Variants in SBF2 observed in about 807,000 individuals in gnomAD.
The protein encoded by SBF2 is SET binding factor 2.
SBF2 carries 112 observed loss-of-function variants against 225.2 expected under a neutral mutation model. That is an observed-to-expected ratio of 0.50 (90% CI 0.43 to 0.58). The LOEUF (loss-of-function observed/expected upper bound fraction) is 0.58. Among genes scored for constraint, SBF2 ranks in the 20% least tolerant of loss-of-function variants. SBF2 has a pLI of 0.00. For missense variants in SBF2, 1,996 were observed against 2,206.2 expected (o/e 0.90, Z 1.91); for synonymous variants, 763 against 773.3 (o/e 0.99, Z 0.22).
At chr11:9,900,549 C>A (rs948843786) in intron 16 of SBF2, among the ~76,000 whole-genome samples, 6 of 152,182 alleles carry the variant, frequency 3.9e-5, no homozygotes, top group African/African-American at 7.2e-5. Context: ...GCAGCAGGGG[C>A]CACGTGCGTC....
chr11:9,967,770 C>T (rs1342699076), intron 14 of SBF2, among the ~76,000 whole-genome samples: 1 of 152,034 alleles, frequency 6.6e-6, no homozygotes, highest in Non-Finnish European at 1.5e-5. Context: ...ACAAAATTAG[C>T]TGGGCGAGGT....
Position 9,969,528 on chromosome 11 carries a change from G to A in SBF2, c.1396-983C>T, listed in dbSNP as rs371873356. On this transcript the variant is annotated intron_variant, in intron 13 of 39. Coordinates refer to ENST00000256190, the MANE Select transcript of SBF2 (RefSeq NM_030962.4). The stretch of plus-strand genomic sequence containing the variant: ...GCCATGATTTCTTTCATTTTTTTCT[G>A]CTCTAGACACACAGAACTTCTTGTT... 1.3e-4 allele frequency among the ~76,000 whole-genome samples: 20 copies of A among 151,948 alleles called. No homozygotes were observed. The South Asian group carries it at 1.7e-3, about 13-fold the overall frequency.
chr11:9,902,647 G>C (rs1861809310), intron 16 of SBF2, among the ~76,000 whole-genome samples: 1 of 152,142 alleles, frequency 6.6e-6, no homozygotes, highest in Non-Finnish European at 1.5e-5. Context: ...TATGACACCA[G>C]ATAGAAAGTC....
At chr11:10,232,641 G>A (rs1958906643) in intron 1 of SBF2, among the ~76,000 whole-genome samples, 1 of 149,290 alleles carries the variant, frequency 6.7e-6, no homozygotes, top group Non-Finnish European at 1.5e-5. Context: ...ATAGCTCACT[G>A]CAGTCTTGAA....
chr11:9,902,739 G>C (rs1462944207), intron 16 of SBF2, among the ~76,000 whole-genome samples: 1 of 152,046 alleles, frequency 6.6e-6, no homozygotes, highest in Non-Finnish European at 1.5e-5. Flanking sequence ...ATAAAACAAT[G>C]ACAATACTGT....
At chr11:10,097,170 C>G (rs1040977035) in intron 2 of SBF2, among the ~76,000 whole-genome samples, 1 of 152,186 alleles carries the variant, frequency 6.6e-6, no homozygotes, top group Admixed American at 6.5e-5. Flanking sequence ...TTCACCCTGT[C>G]CGTCACTTTC....
chr11:9,928,070 T>C (rs943989753), intron 16 of SBF2, among the ~76,000 whole-genome samples: 2 of 152,146 alleles, frequency 1.3e-5, no homozygotes, highest in Non-Finnish European at 2.9e-5. Context: ...TTAGATATGA[T>C]ACCAAGTGCA....
At chr11:9,823,221 CTATTCACTTCT>C (rs1287111379) in intron 28 of SBF2, among the ~76,000 whole-genome samples, 4 of 152,222 alleles carry the variant, frequency 2.6e-5, no homozygotes, top group Middle Eastern at 3.4e-3. Context: ...ACAATGTGAT[CTATTCACTTCT>C]TGCTTTTAAA....
intron 16 of SBF2, among the ~76,000 whole-genome samples, chr11:9,948,482 A>G (rs1279126273): frequency 6.6e-6 from 1 of 152,172 alleles, no homozygotes; most frequent in East Asian, 1.9e-4. Context: ...TTCTTTAAGT[A>G]CTTCTGTACT....
intron 2 of SBF2, among the ~76,000 whole-genome samples, chr11:10,089,353 C>T (rs768709658): frequency 4.6e-5 from 7 of 152,216 alleles, no homozygotes; most frequent in Non-Finnish European, 5.9e-5. Context: ...CAGAGCATGA[C>T]TGTACTTCTT....
chr11:9,865,797 A>T (rs1362681308), intron 17 of SBF2, among the ~76,000 whole-genome samples: 3 of 151,460 alleles, frequency 2.0e-5, no homozygotes, highest in Non-Finnish European at 4.4e-5. Context: ...TGACAGAGCC[A>T]GAGATGGGAT....
At chr11:9,787,786 G>A (rs547587935) in intron 35 of SBF2, 48 bp from the exon 36 acceptor site, 19 of 1,519,076 alleles carry the variant, frequency 1.3e-5, no homozygotes, top group Admixed American at 1.2e-4. Flanking sequence ...TAGAAATCAG[G>A]ATGGGCCCCA....
At chr11:10,173,610 G>C (rs1345948998) in intron 2 of SBF2, among the ~76,000 whole-genome samples, 2 of 152,220 alleles carry the variant, frequency 1.3e-5, no homozygotes, top group African/African-American at 4.8e-5. Context: ...GCCCAGGCTT[G>C]CTTAGGTAAA....
chr11:9,883,047 T>C (rs1450417900), intron 17 of SBF2, among the ~76,000 whole-genome samples: 1 of 151,954 alleles, frequency 6.6e-6, no homozygotes, highest in African/African-American at 2.4e-5. Flanking sequence ...GGTGGGAGGA[T>C]TGCTTGAACT....
At chr11:10,191,480 C>T (rs1433154408) in intron 2 of SBF2, among the ~76,000 whole-genome samples, 3 of 151,954 alleles carry the variant, frequency 2.0e-5, no homozygotes, top group Non-Finnish European at 4.4e-5. Flanking sequence ...CTTGACAACA[C>T]CATAGACATT....
intron 16 of SBF2, among the ~76,000 whole-genome samples, chr11:9,920,930 C>T (rs1438113613): frequency 6.6e-6 from 1 of 152,146 alleles, no homozygotes. Context: ...TTTTCCCATT[C>T]ATTGCATACT....
chr11:10,291,676 ACAC>A (rs1194663451), intron 1 of SBF2, among the ~76,000 whole-genome samples: 2 of 123,134 alleles, frequency 1.6e-5, no homozygotes, highest in African/African-American at 5.7e-5. Flanking sequence ...ACACACACAC[ACAC>A]ACACACACAC....
In SBF2 at chr11:9,829,389, G is replaced by A. The variant is rs149207066; in HGVS notation, c.3760C>T (p.Leu1254Phe). The A allele has an allele frequency of 6.2e-7, 1 of 1,614,068 alleles. No homozygotes were observed. Among genetic ancestry groups the A allele is most frequent in the African/African-American group, 1.3e-5 (1 of 74,944 alleles). The stretch of plus-strand genomic sequence containing the variant: ...AGAGCAAAGGCTGGCCTGACAGTAA[G>A]AGTGCTGTTGCCTCTGAGTTTCTGA... ...VHQKLRGNST[L>F]TVRPAFALSP... Residue 1254 changes from leucine (L) to phenylalanine (F), a missense_variant, in exon 28 of 40, where the codon CTT becomes TTT. Leu to Phe is a conservative substitution (Grantham distance 22). Transcript: ENST00000256190.
chr11:10,288,287 G>T (rs957544467), intron 1 of SBF2, among the ~76,000 whole-genome samples: 1 of 152,164 alleles, frequency 6.6e-6, no homozygotes, highest in Non-Finnish European at 1.5e-5. Context: ...GGAAGAATGA[G>T]GTCCTCAGAC....
Sources: allele counts gnomAD v4.1 joint callset (sites outside exome capture counted in the v4.1 genomes callset), GRCh38; gene constraint gnomAD v4.1.1; transcripts MANE v1.5; gene names NCBI Gene and HGNC (gene_info 2026-07-23, HGNC 2026-07-21).